PXMP4: variants seen among roughly 807,000 people sequenced by gnomAD.
The protein encoded by PXMP4 is peroxisomal membrane protein 4, also known as 24 kDa peroxisomal intrinsic membrane protein.
Under a neutral mutation model 21.6 loss-of-function variants are expected in PXMP4, and 16 were observed. The ratio of observed to expected loss-of-function variants is 0.74; its 90% confidence interval spans 0.50 to 1.13. The LOEUF is 1.13. Ranked by LOEUF, PXMP4 falls within the 50% of genes most tolerant of loss-of-function variation. PXMP4 has a pLI of 0.00. For missense variants in PXMP4, 240 were observed against 277.7 expected, an observed-to-expected ratio of 0.86 and a Z score of 0.96; for synonymous variants, 127 against 123.8, an observed-to-expected ratio of 1.03 and a Z score of -0.17.
At chr20:33,711,644 T>C (rs1183043856) in intron 2 of PXMP4, among the ~76,000 whole-genome samples, 1 of 151,870 alleles carries the variant, frequency 6.6e-6, no homozygotes, top group Non-Finnish European at 1.5e-5. Flanking sequence ...TGAGCTGAGA[T>C]GGTGCCACTG....
In PXMP4 at chr20:33,707,559, TA is replaced by T. The variant is rs2018270969; in HGVS notation, c.*146del. 8 of 1,203,388 alleles carry T rather than the reference TA, an allele frequency of 6.6e-6. No individual in the cohort carries two copies. The South Asian group carries it at 1.3e-4, about 19-fold the overall frequency. The allele number at this position is 1,203,388 out of a possible 1,614,324, so 74.5% of individuals were successfully genotyped here. A position where few individuals can be genotyped will look rare whatever the true frequency, so the allele number is the denominator to read the frequency against. On this transcript the variant is annotated 3_prime_UTR_variant, in exon 4 of 4. Coordinates refer to ENST00000409299, the MANE Select transcript of PXMP4 (RefSeq NM_007238.5). ...CATACAAAGGTACCCACTGGGATTT[TA>T]AAATCAGTGTTTTTACTTCAGCAAA...
chr20:33,712,967 T>C (rs769473936), intron 2 of PXMP4, among the ~76,000 whole-genome samples: 15 of 152,234 alleles, frequency 9.9e-5, no homozygotes, highest in African/African-American at 1.4e-4. Context: ...GGTTTTGCCA[T>C]GTTGGCCAGA....
chr20:33,714,846 C>CTTTGG, intron 1 of PXMP4, 110 bp from the exon 2 acceptor site: 1 of 1,049,812 alleles, frequency 9.5e-7, no homozygotes, highest in Non-Finnish European at 1.5e-6. Flanking sequence ...TCTAACACCA[C>CTTTGG]TTTGGGAGGG....
In PXMP4 at chr20:33,714,701, A is replaced by G. The variant is rs2018366059; in HGVS notation, c.149T>C (p.Val50Ala). Residue 50 changes from valine (V) to alanine (A), a missense_variant, in exon 2 of 4, where the codon GTC (valine) becomes GCC (alanine). Physicochemically the swap from Val to Ala is moderately conservative, Grantham distance 64 (BLOSUM62 0). Coordinates refer to ENST00000409299, the MANE Select transcript of PXMP4 (RefSeq NM_007238.5). ...GCCATTCCGGAAGAGAAAGGTCATG[A>G]CCAGCGCGTGAGGGGCCCGGATTTT... Reference protein sequence around the residue: ...GAKIRAPHALVMTFLFRNGSL... With the variant: ...GAKIRAPHALAMTFLFRNGSL... The G allele has an allele frequency of 1.2e-6, 2 of 1,613,964 alleles. No individual in the cohort carries two copies. Among genetic ancestry groups the G allele is most frequent in the African/African-American group, 1.3e-5 (1 of 74,898 alleles).
chr20:33,720,021 G>C, intron 1 of PXMP4, 74 bp downstream of exon 1: 2 of 1,412,038 alleles, frequency 1.4e-6, no homozygotes, highest in South Asian at 2.3e-5. Flanking sequence ...CCGCGGCATC[G>C]GACTTCGAAC....
chr20:33,710,638 T>C lies in PXMP4; in HGVS notation c.292A>G (p.Lys98Glu). 1 of 1,613,964 alleles carries C rather than the reference T, an allele frequency of 6.2e-7. No homozygotes were observed. Among genetic ancestry groups the C allele is most frequent in the South Asian group, 1.1e-5 (1 of 91,070 alleles). Residue 98 changes from lysine (K) to glutamate (E), a missense_variant, in exon 3 of 4, where the codon AAG becomes GAG. Transcript: ENST00000409299. Reference protein sequence around the residue: ...LRALQSYIQGKTYPAHAFLAA... With the variant: ...LRALQSYIQGETYPAHAFLAA... ...AGGAATGCGTGTGCTGGGTAGGTCT[T>C]GCCTTGTATGTAGGACTGCAGGGCA...
chr20:33,710,102 C>T (rs1442970411), intron 3 of PXMP4, among the ~76,000 whole-genome samples: 4 of 146,902 alleles, frequency 2.7e-5, no homozygotes, highest in Non-Finnish European at 4.5e-5. Context: ...TTCCCCGACT[C>T]CCACCTCTAT....
chr20:33,710,596 C>A lies in PXMP4; in HGVS notation c.334G>T (p.Gly112Cys). 6.2e-7 allele frequency: 1 copy of A among 1,611,548 alleles called. No homozygotes were observed. The highest frequency in any genetic ancestry group is 2.2e-5 in the East Asian group (1 of 44,740). The change falls in exon 3 of 4, where the codon GGT becomes TGT. Residue 112 changes from glycine (G) to cysteine (C), a missense_variant. By Grantham distance (159) the Gly-to-Cys change is radical. Transcript: ENST00000409299. ...AHAFLAAFLG[G>C]ILVFGENNNI... ...TTGTTTTCTCCAAACACCAGGATACCCCCGAGGAAGGCCGCCAGGAATGCG... is the reference window on the plus strand; with the variant it reads ...TTGTTTTCTCCAAACACCAGGATACACCCGAGGAAGGCCGCCAGGAATGCG...
At chr20:33,708,901 T>C (rs988439788) in intron 3 of PXMP4, among the ~76,000 whole-genome samples, 2 of 152,142 alleles carry the variant, frequency 1.3e-5, no homozygotes, top group African/African-American at 2.4e-5. Flanking sequence ...TGAGCCACCA[T>C]GCCTGGCCTA....
chr20:33,707,594 T>C lies in PXMP4; in HGVS notation c.*112A>G. 7.0e-7 allele frequency: 1 copy of C among 1,427,534 alleles called. No homozygotes were observed. The highest frequency in any genetic ancestry group is 2.2e-5 in the Admixed American group (1 of 45,074). The allele number at this position is 1,427,534 out of a possible 1,614,324, so 88.4% of individuals were successfully genotyped here. A position where few individuals can be genotyped will look rare whatever the true frequency, so the allele number is the denominator to read the frequency against. ...GTTTTTACTTCAGCAAACGGAACCC[T>C]GGGATAACACCAGTTGGAGTCTGAG... On this transcript the variant is annotated 3_prime_UTR_variant, in exon 4 of 4. Transcript: ENST00000409299.
intron 2 of PXMP4, 90 bp downstream of exon 2, chr20:33,714,584 G>A (rs1488737446): frequency 3.9e-6 from 5 of 1,272,902 alleles, no homozygotes; most frequent in African/African-American, 1.5e-5. Flanking sequence ...GGCGTGATGG[G>A]GGGACAGGGT....
chr20:33,720,103 G>C lies in PXMP4; in HGVS notation c.105C>G (p.Asn35Lys). 6.2e-7 allele frequency: 1 copy of C among 1,613,574 alleles called. No homozygotes were observed. Among genetic ancestry groups the C allele is most frequent in the South Asian group, 1.1e-5 (1 of 91,074 alleles). ...CCGACGGCCCCACTCACACAGCCCC[G>C]TTCCGGAAGCCCTTAAGCACGGCCA... is the stretch of plus-strand genomic sequence containing the variant. Reference protein sequence around the residue: ...AALAVLKGFRNGAVYGAKIRA... With the variant: ...AALAVLKGFRKGAVYGAKIRA... Residue 35 changes from asparagine (N) to lysine (K), a missense_variant, in exon 1 of 4, where the codon AAC becomes AAG. Coordinates refer to ENST00000409299, the MANE Select transcript of PXMP4 (RefSeq NM_007238.5).
chr20:33,711,442 C>T (rs2018324816), intron 2 of PXMP4, among the ~76,000 whole-genome samples: 1 of 152,082 alleles, frequency 6.6e-6, no homozygotes. Flanking sequence ...AGAGAAGCCA[C>T]CGTGGCCATG....
intron 1 of PXMP4, 119 bp from the exon 2 acceptor site, chr20:33,714,855 G>A (rs2018367921): frequency 1.0e-6 from 1 of 959,228 alleles, no homozygotes; most frequent in Non-Finnish European, 1.7e-6. Context: ...ACTTTGGGAG[G>A]GGAAATCATG....
chr20:33,709,202 G>A (rs1307972754), intron 3 of PXMP4, among the ~76,000 whole-genome samples: 3 of 152,156 alleles, frequency 2.0e-5, no homozygotes, highest in Admixed American at 6.6e-5. Flanking sequence ...GCTGAGATAG[G>A]AGAAATGCTT....
Position 33,714,683 on chromosome 20 carries a change from C to A in PXMP4, c.167G>T (p.Arg56Leu). The change falls in exon 2 of 4, where the codon CGG becomes CTG. Residue 56 changes from arginine to leucine, a missense_variant. Coordinates refer to ENST00000409299, the MANE Select transcript of PXMP4 (RefSeq NM_007238.5). ...TTTGAGGGATGTGTACCTGCCATTC[C>A]GGAAGAGAAAGGTCATGACCAGCGC... ...PHALVMTFLF[R>L]NGSLQEKLWA... 1 of 1,613,938 alleles carries A rather than the reference C, an allele frequency of 6.2e-7. No individual in the cohort carries two copies. The highest frequency in any genetic ancestry group is 8.5e-7 in the Non-Finnish European group (1 of 1,179,908).
At chr20:33,709,041 G>A (rs930455599) in intron 3 of PXMP4, among the ~76,000 whole-genome samples, 8 of 152,274 alleles carry the variant, frequency 5.3e-5, no homozygotes, top group Admixed American at 2.6e-4. Flanking sequence ...GGTGGCTCAC[G>A]CTGCACTTTG....
chr20:33,708,105 C>T (rs1399274935), intron 3 of PXMP4, 136 bp from the exon 4 acceptor site: 1 of 1,078,572 alleles, frequency 9.3e-7, no homozygotes, highest in African/African-American at 1.6e-5. Flanking sequence ...TTAATTATCT[C>T]TTCAAAGAAT....
chr20:33,716,151 T>A (rs1014946152), intron 1 of PXMP4, among the ~76,000 whole-genome samples: 4 of 152,076 alleles, frequency 2.6e-5, no homozygotes, highest in African/African-American at 9.7e-5. Context: ...TCCTAGCCAG[T>A]CTCATCTTTT....
Sources: allele counts gnomAD v4.1 joint callset (sites outside exome capture counted in the v4.1 genomes callset), GRCh38; gene constraint gnomAD v4.1.1; transcripts MANE v1.5; gene names NCBI Gene and HGNC (gene_info 2026-07-23, HGNC 2026-07-21).